CD72: variants seen among roughly 807,000 people sequenced by gnomAD.
CD72 encodes the protein B-cell differentiation antigen CD72.
Under a neutral mutation model 50.7 loss-of-function variants are expected in CD72, and 28 were observed. That is an observed-to-expected ratio of 0.55 (90% CI 0.41 to 0.76). The LOEUF is 0.76. Ranked by LOEUF, CD72 falls within the 30% of genes least tolerant of loss-of-function variation. CD72 has a pLI of 0.00. For synonymous variants in CD72, 176 were observed against 171.2 expected (o/e 1.03, Z -0.22); for missense variants, 403 against 420.6 (o/e 0.96, Z 0.37).
intron 3 of CD72, chr9:35,616,936 T>G: frequency 7.2e-7 from 1 of 1,379,402 alleles, no homozygotes; most frequent in Non-Finnish European, 9.5e-7. Context: ...GAAGGAAATA[T>G]CAGACGGAGA....
intron 1 of CD72, among the ~76,000 whole-genome samples, chr9:35,639,171 A>T (rs1823317624): frequency 6.6e-6 from 1 of 152,202 alleles, no homozygotes; most frequent in African/African-American, 2.4e-5. Context: ...TACTGGCTTT[A>T]AAAAAATAAA....
intron 1 of CD72, among the ~76,000 whole-genome samples, chr9:35,642,317 C>T (rs1235003522): frequency 6.6e-6 from 1 of 152,212 alleles, no homozygotes; most frequent in Non-Finnish European, 1.5e-5. Flanking sequence ...TCAAGTAATA[C>T]AGCTTGATAT....
At chr9:35,613,545 C>T (rs1249329169) in intron 5 of CD72, among the ~76,000 whole-genome samples, 2 of 152,148 alleles carry the variant, frequency 1.3e-5, no homozygotes, top group Admixed American at 6.5e-5. Context: ...ATGTGCACTT[C>T]TGATCCCAGG....
At position 35,617,130 on chromosome 9, in the gene CD72, G is replaced by A. The variant is rs992764704; in HGVS notation, c.262+46C>T. 5 of 1,549,576 alleles carry A rather than the reference G, an allele frequency of 3.2e-6. No homozygotes were observed. In the African/African-American group the frequency reaches 6.8e-5, roughly 21 times the overall value. On this transcript the variant is annotated intron_variant, in intron 3 of 8. Coordinates refer to ENST00000259633, the MANE Select transcript of CD72 (RefSeq NM_001782.3). ...CCCAGCGCCATCCGCAGCCGGGACA[G>A]GCGCGAGCACTTGGCCCCGCGGCTG...
intron 5 of CD72, among the ~76,000 whole-genome samples, chr9:35,615,193 G>A (rs1823046560): frequency 6.6e-6 from 1 of 152,126 alleles, no homozygotes; most frequent in Admixed American, 6.5e-5. Context: ...ATGAGGGCAA[G>A]GGGTGTCTGC....
In CD72 at chr9:35,618,071, G is replaced by A; in HGVS notation, c.133C>T (p.Pro45Ser). 6.2e-7 allele frequency: 1 copy of A among 1,614,108 alleles called. No individual in the cohort carries two copies. Among genetic ancestry groups the A allele is most frequent in the South Asian group, 1.1e-5 (1 of 91,078 alleles). ...GEITYENVQV[P>S]AVLGVPSSLA... The stretch of plus-strand genomic sequence containing the variant: ...CTTGAGGGCACCCCTAGGACTGCGG[G>A]CACTTGAACATTCTCGTAGGTGATT... The change falls in exon 2 of 9, where the codon CCC becomes TCC. Residue 45 changes from proline to serine, a missense_variant. Pro to Ser is a moderately conservative substitution (Grantham distance 74). Transcript: ENST00000259633.
Position 35,618,229 on chromosome 9 carries a change from T to C in CD72, c.75A>G (p.Leu25=), listed in dbSNP as rs757622997. ...APLKKSISSR[L]GQDPGADDDG... ...AGGCCTCATCCCCCTTACCCTGTCCTAACCGGCTGGAGATGCTCTTCTTCA... is the reference window on the plus strand; with the variant it reads ...AGGCCTCATCCCCCTTACCCTGTCCCAACCGGCTGGAGATGCTCTTCTTCA... Residue 25 remains leucine, a synonymous_variant, in exon 1 of 9, where the codon TTA becomes TTG. Coordinates refer to ENST00000259633, the MANE Select transcript of CD72 (RefSeq NM_001782.3). 1 of 1,614,114 alleles carries C rather than the reference T, an allele frequency of 6.2e-7. No homozygotes were observed. Among genetic ancestry groups the C allele is most frequent in the Non-Finnish European group, 8.5e-7 (1 of 1,179,964 alleles).
Position 35,618,089 on chromosome 9 carries a change from A to G in CD72, c.115T>C (p.Tyr39His). 6.2e-7 allele frequency: 1 copy of G among 1,613,958 alleles called. No homozygotes were observed. Among genetic ancestry groups the G allele is most frequent in the East Asian group, 2.2e-5 (1 of 44,896 alleles). Residue 39 changes from tyrosine to histidine, a missense_variant, in exon 2 of 9, where the codon TAC (tyrosine) becomes CAC (histidine). By Grantham distance (83) the Tyr-to-His change is moderately conservative. Transcript: ENST00000259633. Reference sequence around the variant, plus strand: ...ACTGCGGGCACTTGAACATTCTCGTAGGTGATTTCCCCATCATCATCAGCC... The same window carrying G: ...ACTGCGGGCACTTGAACATTCTCGTGGGTGATTTCCCCATCATCATCAGCC... ...PGADDDGEIT[Y>H]ENVQVPAVLG...
upstream of CD72, among the ~76,000 whole-genome samples, chr9:35,620,941 A>C (rs568951516): frequency 6.6e-6 from 1 of 152,350 alleles, no homozygotes; most frequent in South Asian, 2.1e-4. Context: ...TGATGGTTAC[A>C]TATCTTTTCA....
chr9:35,618,326 A>G lies in CD72; in HGVS notation c.-23T>C. On this transcript the variant is annotated 5_prime_UTR_variant, in exon 1 of 9. Coordinates refer to ENST00000259633, the MANE Select transcript of CD72 (RefSeq NM_001782.3). ...CATGGTCCTGAGCAGCTCTGCCCCC[A>G]CTCGTCTTCCCTGTCATCCACTGTC... 6.2e-7 allele frequency: 1 copy of G among 1,612,984 alleles called. No individual in the cohort carries two copies. Among genetic ancestry groups the G allele is most frequent in the Non-Finnish European group, 8.5e-7 (1 of 1,179,626 alleles).
Position 35,616,168 on chromosome 9 carries a change from C to T in CD72, c.463G>A (p.Glu155Lys). 1 of 1,614,202 alleles carries T rather than the reference C, an allele frequency of 6.2e-7. No homozygotes were observed. The highest frequency in any genetic ancestry group is 8.5e-7 in the Non-Finnish European group (1 of 1,180,046). The change falls in exon 5 of 9, where the codon GAG becomes AAG. Residue 155 changes from glutamate to lysine, a missense_variant. Coordinates refer to ENST00000259633, the MANE Select transcript of CD72 (RefSeq NM_001782.3). ...LKITQLGQSA[E>K]DLQGSRRELA... ...TCTCTCCTGGACCCCTGCAGATCCT[C>T]TGCACTCTGTCCCAGCTGCGTTATC...
upstream of CD72, among the ~76,000 whole-genome samples, chr9:35,622,967 T>C (rs1355605002): frequency 6.6e-6 from 1 of 151,892 alleles, no homozygotes; most frequent in Non-Finnish European, 1.5e-5. Flanking sequence ...ATTAGGCAGG[T>C]GTGATGGCAC....
chr9:35,618,786 T>A (rs1011195289), upstream of CD72: 1 of 1,285,832 alleles, frequency 7.8e-7, no homozygotes, highest in African/African-American at 1.5e-5. Flanking sequence ...GTTCTCCCCA[T>A]GAGACTGGGG....
chr9:35,613,506 T>C (rs1290030698), intron 5 of CD72, among the ~76,000 whole-genome samples: 2 of 152,070 alleles, frequency 1.3e-5, no homozygotes, highest in Non-Finnish European at 2.9e-5. Context: ...GAAATAAATA[T>C]CCCTCTTTCT....
At chr9:35,641,617 G>T (rs999151351) in intron 1 of CD72, among the ~76,000 whole-genome samples, 4 of 152,168 alleles carry the variant, frequency 2.6e-5, no homozygotes, top group African/African-American at 9.7e-5. Context: ...TCTTCTTGAG[G>T]TTCCTCATTC....
chr9:35,639,546 C>T (rs1039666970), intron 1 of CD72, among the ~76,000 whole-genome samples: 2 of 151,938 alleles, frequency 1.3e-5, no homozygotes, highest in African/African-American at 4.9e-5. Flanking sequence ...TGCCATCAAG[C>T]TTTACCACAA....
chr9:35,617,191 C>G lies in CD72; in HGVS notation c.247G>C (p.Gly83Arg). 5 of 1,566,626 alleles carry G rather than the reference C, an allele frequency of 3.2e-6. No individual in the cohort carries two copies. Among genetic ancestry groups the G allele is most frequent in the Non-Finnish European group, 4.3e-6 (5 of 1,155,294 alleles). ...GCACACTCACAGGGGAGAATCCGCC[C>G]GACAGCTGGTGACGTCACGGCTCTC... ...SWRAVTSPAV[G>R]RILPCRTTCL... Residue 83 changes from glycine to arginine, a missense_variant, in exon 3 of 9, where the codon GGG becomes CGG. Physicochemically the swap from Gly to Arg is moderately radical, Grantham distance 125. Coordinates refer to ENST00000259633, the MANE Select transcript of CD72 (RefSeq NM_001782.3).
intron 6 of CD72, among the ~76,000 whole-genome samples, chr9:35,612,630 A>G (rs912623075): frequency 2.0e-5 from 3 of 152,012 alleles, no homozygotes; most frequent in Admixed American, 2.0e-4. Flanking sequence ...TTCTCATGCC[A>G]ACTCTAATCA....
chr9:35,616,084 C>T lies in CD72; in HGVS notation c.547G>A (p.Gly183Arg). 6.2e-7 allele frequency: 1 copy of T among 1,614,144 alleles called. No homozygotes were observed. The highest frequency in any genetic ancestry group is 1.3e-5 in the African/African-American group (1 of 75,020). Residue 183 changes from glycine (G) to arginine (R), a missense_variant, in exon 5 of 9, where the codon GGG becomes AGG. Gly to Arg is a moderately radical substitution (Grantham distance 125). Transcript: ENST00000259633. ...VEQRAHQAAE[G>R]QLQACQADRQ... ...TCTGCCTGGCAGGCCTGTAGCTGCC[C>T]TTCGGCCGCCTGATGAGCCCTCTGT... is the stretch of plus-strand genomic sequence containing the variant.
Sources: allele counts gnomAD v4.1 joint callset (sites outside exome capture counted in the v4.1 genomes callset), GRCh38; gene constraint gnomAD v4.1.1; transcripts MANE v1.5; gene names NCBI Gene and HGNC (gene_info 2026-07-23, HGNC 2026-07-21).